The following TTC6 variants were observed in gnomAD, a reference collection of about 807,000 sequenced individuals.
TTC6 encodes tetratricopeptide repeat protein 6.
TTC6 carries 172 observed loss-of-function variants against 210.4 expected under a neutral mutation model. That is an observed-to-expected ratio of 0.82 (90% confidence interval 0.72 to 0.93). The LOEUF (loss-of-function observed/expected upper bound fraction) is 0.93. Ranked by LOEUF, TTC6 falls within the 40% of genes least tolerant of loss-of-function variation. The probability of loss-of-function intolerance (pLI) is 0.00; values close to 1 mark genes in which losing one functional copy is unlikely to be tolerated. For synonymous variants in TTC6, 804 were observed against 819.6 expected, an observed-to-expected ratio of 0.98 and a Z score of 0.32; for missense variants, 2,414 against 2,318.1, an observed-to-expected ratio of 1.04 and a Z score of -0.85.
intron 1 of TTC6, among the ~76,000 whole-genome samples, chr14:37,604,465 C>A (rs956885872): frequency 6.6e-6 from 1 of 152,082 alleles, no homozygotes; most frequent in African/African-American, 2.4e-5. Context: ...TCCCCCTAGG[C>A]GAGAGAGGGA....
chr14:37,842,200 C>A, exon 31 of TTC6: 1 of 1,607,772 alleles, frequency 6.2e-7, no homozygotes, highest in East Asian at 2.3e-5. Flanking sequence ...AATTTTAGAG[C>A]AAAAGTTCGT....
rs963504238 is a variant in TTC6 at position 37,645,355 on chromosome 14, T to A, written c.939+22352T>A. 9.8e-5 allele frequency among the ~76,000 whole-genome samples: 15 copies of A among 152,330 alleles called. No individual in the cohort carries two copies. In the South Asian group the frequency reaches 2.5e-3, roughly 25 times the overall value. ...ATTGGTCTCTAAAACAATTATTCAT[T>A]CTTGCAATGTAATTGGGTGCCTGTT... is the stretch of plus-strand genomic sequence containing the variant. On this transcript the variant is annotated intron_variant, in intron 1 of 30. Transcript: ENST00000553443.
intron 14 of TTC6, among the ~76,000 whole-genome samples, chr14:37,773,845 G>A (rs2096028577): frequency 1.3e-5 from 2 of 152,116 alleles, no homozygotes; most frequent in South Asian, 2.1e-4. Context: ...AATTGCTTTG[G>A]GCAGTATGAC....
intron 1 of TTC6, among the ~76,000 whole-genome samples, chr14:37,672,355 G>C (rs1022470440): frequency 6.6e-6 from 1 of 152,090 alleles, no homozygotes; most frequent in South Asian, 2.1e-4. Context: ...TGAACTTGGA[G>C]CCTGTACATA....
Position 37,622,152 on chromosome 14 carries a change from A to T in TTC6, c.88A>T (p.Lys30Ter). The change falls in exon 1 of 31, where the codon AAA becomes TAA. Residue 30 changes from lysine to a stop codon, truncating the protein, a stop_gained. Transcript: ENST00000553443. LOFTEE classifies it high-confidence loss of function. ...GCTTGAGAAAGTTCGGCAGGAAACT[A>T]AAAAGGATTTTCTCCGATTCAAGCA... is the stretch of plus-strand genomic sequence containing the variant. 1 of 1,535,516 alleles carries T rather than the reference A, an allele frequency of 6.5e-7. No homozygotes were observed. The highest frequency in any genetic ancestry group is 8.7e-7 in the Non-Finnish European group (1 of 1,146,686).
At chr14:37,772,754 T>C (rs1411557243) in intron 14 of TTC6, among the ~76,000 whole-genome samples, 1 of 152,164 alleles carries the variant, frequency 6.6e-6, no homozygotes, top group Non-Finnish European at 1.5e-5. Context: ...AATGCAGATA[T>C]CACCCGTCTT....
At chr14:37,699,214 A>G (rs71407715) in intron 4 of TTC6, among the ~76,000 whole-genome samples, 1 of 152,344 alleles carries the variant, frequency 6.6e-6, no homozygotes, top group African/African-American at 2.4e-5. Flanking sequence ...AGTAGACAGC[A>G]CTGTATCCAT....
At chr14:37,748,783 C>G (rs2095943404) in intron 10 of TTC6, among the ~76,000 whole-genome samples, 156 bp from the exon 13 acceptor site, 1 of 151,992 alleles carries the variant, frequency 6.6e-6, no homozygotes, top group Non-Finnish European at 1.5e-5. Flanking sequence ...ACAGTGTTAC[C>G]ATTTTATTAA....
chr14:37,739,465 A>C (rs1234803609), intron 10 of TTC6, among the ~76,000 whole-genome samples: 1 of 151,400 alleles, frequency 6.6e-6, no homozygotes, highest in Non-Finnish European at 1.5e-5. Context: ...AGTCCCAGCT[A>C]CTCAGGAGGC....
chr14:37,680,143 C>T lies in TTC6; in HGVS notation c.940-8C>T, dbSNP rs1258970414. The T allele has an allele frequency of 3.2e-5, 48 of 1,489,816 alleles. No individual in the cohort carries two copies. Among genetic ancestry groups the T allele is most frequent in the Non-Finnish European group, 4.0e-5 (45 of 1,114,826 alleles). 92.3% of individuals were successfully genotyped at this position (1,489,816 alleles called of 1,614,324 possible). A position where few individuals can be genotyped will look rare whatever the true frequency, so the allele number is the denominator to read the frequency against. ...TTGGCATCACTTTGTTTCCTTTTCT[C>T]ATTCAAGGATATTTCTTTAATGGGA... On this transcript the variant is annotated splice_polypyrimidine_tract_variant and splice_region_variant and intron_variant, in intron 1 of 30. Transcript: ENST00000553443.
chr14:37,727,291 A>ATTTTTTTTTTTTTTTTTTT (rs368293440), intron 7 of TTC6, among the ~76,000 whole-genome samples: 5 of 92,246 alleles, frequency 5.4e-5, no homozygotes, highest in Non-Finnish European at 1.1e-4. Context: ...TATTTTTCTA[A>ATTTTTTTTTTTTTTTTTTT]TTTTTTTTTT....
rs1321580488 is a variant in TTC6 at position 37,780,806 on chromosome 14, G to A, written c.3267-6662G>A. Among the ~76,000 whole-genome samples the A allele has an allele frequency of 3.3e-5, 5 of 152,028 alleles. No individual in the cohort carries two copies. The East Asian group carries it at 5.8e-4, about 18-fold the overall frequency. On this transcript the variant is annotated intron_variant, in intron 14 of 30. Coordinates refer to ENST00000553443, the Ensembl canonical transcript of TTC6. ...CCTCCCACCCACCATGGACCCCGGT[G>A]TGTGGTGATCCCCTCCCTGTGTCTA...
intron 14 of TTC6, among the ~76,000 whole-genome samples, chr14:37,763,715 T>A (rs2095990983): frequency 6.6e-6 from 1 of 152,112 alleles, no homozygotes; most frequent in Admixed American, 6.5e-5. Flanking sequence ...TCGGTCTAGC[T>A]AAGGAATTGT....
intron 1 of TTC6, among the ~76,000 whole-genome samples, chr14:37,628,178 A>T (rs139354495): frequency 1.3e-5 from 2 of 152,290 alleles, no homozygotes; most frequent in African/African-American, 4.8e-5. Flanking sequence ...CATGTTGGTC[A>T]TGCTAGTCTC....
chr14:37,642,826 AATAGC>A (rs1168380991), intron 1 of TTC6, among the ~76,000 whole-genome samples: 1 of 152,248 alleles, frequency 6.6e-6, no homozygotes, highest in African/African-American at 2.4e-5. Flanking sequence ...TACTCTCCTG[AATAGC>A]TACCCAACTG....
rs570679013 is a variant in TTC6 at position 37,785,780 on chromosome 14, A to G, written c.3267-1688A>G. Among the ~76,000 whole-genome samples, 3 of 152,194 alleles carry G rather than the reference A, an allele frequency of 2.0e-5. No individual in the cohort carries two copies. The South Asian group carries it at 6.2e-4, about 32-fold the overall frequency. ...TTTTATCTATCTTTGGTCTTTGGTG[A>G]TGGTGACATACAGATGAGGTTTTGG... On this transcript the variant is annotated intron_variant, in intron 14 of 30. Coordinates refer to ENST00000553443, the Ensembl canonical transcript of TTC6.
chr14:37,609,609 G>T (rs1182200528), intron 2 of TTC6, among the ~76,000 whole-genome samples: 1 of 152,024 alleles, frequency 6.6e-6, no homozygotes, highest in Non-Finnish European at 1.5e-5. Flanking sequence ...CTTAGTTACT[G>T]TTTTTTGATT....
At chr14:37,780,420 G>A (rs543941722) in intron 14 of TTC6, among the ~76,000 whole-genome samples, 2 of 152,108 alleles carry the variant, frequency 1.3e-5, no homozygotes, top group South Asian at 4.2e-4. Context: ...CTTCTGACAG[G>A]CCCCAGTGTG....
intron 2 of TTC6, chr14:37,611,259 C>G (rs1287172154): frequency 6.6e-6 from 1 of 152,166 alleles, no homozygotes; most frequent in Non-Finnish European, 1.5e-5. Flanking sequence ...CCAGTCGAGC[C>G]CACCCGGCCC....
Sources: gnomAD v4.1 joint callset for allele counts (sites outside exome capture counted in the v4.1 genomes callset) on GRCh38, gnomAD v4.1.1 for gene constraint, MANE v1.5 for transcripts, NCBI Gene and HGNC (gene_info 2026-07-23, HGNC 2026-07-21) for gene names.